Variants in NKAIN2 observed in about 807,000 individuals in gnomAD.
NKAIN2 encodes the protein sodium/potassium-transporting ATPase subunit beta-1-interacting protein 2.
NKAIN2 carries 14 observed loss-of-function variants against 32.6 expected under a neutral mutation model. That is an observed-to-expected ratio of 0.43 (90% CI 0.28 to 0.67). NKAIN2 has a LOEUF of 0.67. NKAIN2 is among the 30% of genes least tolerant of loss of function. The pLI is 0.17. For synonymous variants in NKAIN2, 80 were observed against 87.2 expected (o/e 0.92, Z 0.46); for missense variants, 198 against 258.3 (o/e 0.77, Z 1.60).
At chr6:124,047,450 A>C (rs60757241) in intron 1 of NKAIN2, among the ~76,000 whole-genome samples, 17,142 of 143,174 alleles carry the variant, frequency 0.12, 1,059 homozygotes, top group East Asian at 0.26. Flanking sequence ...CTCTCTCTCT[A>C]TATATATATA....
intron 4 of NKAIN2, among the ~76,000 whole-genome samples, chr6:124,721,636 G>A (rs973307824): frequency 2.0e-5 from 3 of 151,828 alleles, no homozygotes; most frequent in Admixed American, 6.6e-5. Context: ...TCAGTTTAGC[G>A]TCTCTTTCAA....
chr6:123,918,529 G>A (rs981901099), intron 1 of NKAIN2, among the ~76,000 whole-genome samples: 1 of 152,192 alleles, frequency 6.6e-6, no homozygotes, highest in African/African-American at 2.4e-5. Flanking sequence ...GGTGGCTACT[G>A]TGTTGGTTAA....
chr6:124,751,083 C>T (rs1436403190), intron 4 of NKAIN2, among the ~76,000 whole-genome samples: 1 of 152,048 alleles, frequency 6.6e-6, no homozygotes, highest in Non-Finnish European at 1.5e-5. Flanking sequence ...TGTGTTTGCT[C>T]ATTGGCCTTA....
chr6:124,759,655 A>ACACC (rs1562367638), intron 4 of NKAIN2, among the ~76,000 whole-genome samples: 11 of 53,140 alleles, frequency 2.1e-4, no homozygotes, highest in Middle Eastern at 0.013. Context: ...ACACACACAC[A>ACACC]CCCCCTATCT....
intron 5 of NKAIN2, among the ~76,000 whole-genome samples, chr6:124,811,042 T>G (rs759363269): frequency 3.9e-5 from 6 of 152,188 alleles, no homozygotes; most frequent in African/African-American, 1.4e-4. Flanking sequence ...AAGTGATTCT[T>G]TTCAATTTGG....
chr6:124,624,804 AATT>A (rs145370395), intron 3 of NKAIN2, among the ~76,000 whole-genome samples: 146 of 152,310 alleles, frequency 9.6e-4, no homozygotes, highest in African/African-American at 3.4e-3. Context: ...TACCTGTTAA[AATT>A]ATTAGAAGTT....
intron 4 of NKAIN2, among the ~76,000 whole-genome samples, chr6:124,770,476 C>G (rs1463241235): frequency 6.6e-6 from 1 of 152,150 alleles, no homozygotes; most frequent in Non-Finnish European, 1.5e-5. Flanking sequence ...TCCATTTCCC[C>G]AGAGAATTGG....
chr6:124,685,587 A>T (rs2114517043), intron 4 of NKAIN2, among the ~76,000 whole-genome samples: 1 of 152,306 alleles, frequency 6.6e-6, no homozygotes, highest in East Asian at 1.9e-4. Context: ...ACACGATAAA[A>T]TGCACAATGA....
At chr6:124,157,229 G>A (rs954595175) in intron 1 of NKAIN2, among the ~76,000 whole-genome samples, 5 of 145,968 alleles carry the variant, frequency 3.4e-5, no homozygotes, top group Admixed American at 6.9e-5. Context: ...TATGGGACAC[G>A]GTGGGAGGTG....
chr6:124,086,337 T>A (rs923015482), intron 1 of NKAIN2, among the ~76,000 whole-genome samples: 1 of 152,012 alleles, frequency 6.6e-6, no homozygotes, highest in Non-Finnish European at 1.5e-5. Flanking sequence ...ATTTTCTGAA[T>A]CTATATTCAT....
At chr6:124,602,749 G>A (rs184479423) in intron 3 of NKAIN2, among the ~76,000 whole-genome samples, 1 of 151,922 alleles carries the variant, frequency 6.6e-6, no homozygotes, top group Admixed American at 6.6e-5. Context: ...TGCATTTGAG[G>A]TCAAACAGTA....
intron 3 of NKAIN2, among the ~76,000 whole-genome samples, chr6:124,488,299 G>C (rs1026208499): frequency 1.3e-5 from 2 of 151,944 alleles, no homozygotes; most frequent in Admixed American, 1.3e-4. Context: ...TAACAACCTT[G>C]TGCAATGGGG....
In NKAIN2 at chr6:124,302,752, T is replaced by C. The variant is rs138459659; in HGVS notation, c.192+19610T>C. On this transcript the variant is annotated intron_variant, in intron 2 of 6. Coordinates refer to ENST00000368417, the MANE Select transcript of NKAIN2 (RefSeq NM_001040214.3). ...ATAAATAGTAAGCTTGTGTACATTA[T>C]TGGAAAAAAAAACTTAGAAGAAACA... Among the ~76,000 whole-genome samples the C allele has an allele frequency of 8.0e-4, 122 of 152,144 alleles. 1 individual carries two copies. The highest frequency in any genetic ancestry group is 2.8e-3 in the African/African-American group (118 of 41,510).
intron 3 of NKAIN2, among the ~76,000 whole-genome samples, chr6:124,428,685 A>C (rs772998577): frequency 1.3e-5 from 2 of 152,182 alleles, no homozygotes; most frequent in African/African-American, 4.8e-5. Flanking sequence ...GCTAGGGACA[A>C]TATCTTTTCT....
intron 2 of NKAIN2, among the ~76,000 whole-genome samples, chr6:124,337,537 T>C (rs1200657359): frequency 6.6e-6 from 1 of 152,010 alleles, no homozygotes; most frequent in Non-Finnish European, 1.5e-5. Context: ...AAAACAACAA[T>C]AAATAAACTT....
chr6:124,466,228 A>G (rs1322661396), intron 3 of NKAIN2, among the ~76,000 whole-genome samples: 1 of 152,138 alleles, frequency 6.6e-6, no homozygotes, highest in East Asian at 1.9e-4. Context: ...AGGATCACTT[A>G]TAGCCAACCA....
intron 1 of NKAIN2, among the ~76,000 whole-genome samples, chr6:124,007,882 C>T (rs1780146277): frequency 6.6e-6 from 1 of 152,154 alleles, no homozygotes; most frequent in Non-Finnish European, 1.5e-5. Context: ...ACACTCTATG[C>T]TGCCAATTGC....
At chr6:124,297,217 A>C (rs1007376398) in intron 2 of NKAIN2, among the ~76,000 whole-genome samples, 3 of 152,154 alleles carry the variant, frequency 2.0e-5, no homozygotes, top group African/African-American at 7.2e-5. Context: ...GACTCCCCCA[A>C]ATCTTAACTA....
chr6:124,513,230 G>C (rs1452895779), intron 3 of NKAIN2, among the ~76,000 whole-genome samples: 1 of 152,046 alleles, frequency 6.6e-6, no homozygotes, highest in South Asian at 2.1e-4. Flanking sequence ...CTTATATATG[G>C]AATTTCCATT....
Sources: gnomAD v4.1 joint callset for allele counts (sites outside exome capture counted in the v4.1 genomes callset) on GRCh38, gnomAD v4.1.1 for gene constraint, MANE v1.5 for transcripts, NCBI Gene and HGNC (gene_info 2026-07-23, HGNC 2026-07-21) for gene names.